SUN3: variants seen among roughly 807,000 people sequenced by gnomAD.
The protein encoded by SUN3 is SUN domain-containing protein 3.
SUN3 carries 36 observed loss-of-function variants against 48.2 expected under a neutral mutation model. The ratio of observed to expected loss-of-function variants is 0.75; its 90% confidence interval spans 0.57 to 0.99. The LOEUF (loss-of-function observed/expected upper bound fraction) is 0.99, where lower values mean the gene tolerates loss of function less well. Ranked by LOEUF, SUN3 falls within the 50% of genes least tolerant of loss-of-function variation. The probability of loss-of-function intolerance (pLI) is 0.00; values close to 1 mark genes in which losing one functional copy is unlikely to be tolerated. For missense variants in SUN3, 419 were observed against 433.1 expected, an observed-to-expected ratio of 0.97 and a Z score of 0.29; for synonymous variants, 148 against 147.9, an observed-to-expected ratio of 1.00 and a Z score of 0.00.
chr7:48,002,148 TCTC>T (rs1300166779), intron 6 of SUN3, among the ~76,000 whole-genome samples: 1 of 76,374 alleles, frequency 1.3e-5, no homozygotes, highest in Non-Finnish European at 2.4e-5. Context: ...GATTTGCATT[TCTC>T]TTTTTTTTTT....
chr7:47,987,838 T>C (rs1177561909), intron 9 of SUN3, among the ~76,000 whole-genome samples: 1 of 152,224 alleles, frequency 6.6e-6, no homozygotes, highest in South Asian at 2.1e-4. Context: ...CTGGCCTATA[T>C]ACTTTTTCTT....
upstream of SUN3, among the ~76,000 whole-genome samples, chr7:48,030,609 C>A (rs1253149419): frequency 6.6e-6 from 1 of 152,186 alleles, no homozygotes; most frequent in Non-Finnish European, 1.5e-5. Flanking sequence ...GATAATCTTC[C>A]TCATTTATTT....
chr7:48,030,244 C>T (rs1206617759), upstream of SUN3, among the ~76,000 whole-genome samples: 1 of 152,102 alleles, frequency 6.6e-6, no homozygotes, highest in Non-Finnish European at 1.5e-5. Context: ...CAATTTACTA[C>T]TTATTTTCTG....
At chr7:48,025,631 A>T (rs900516105) in intron 2 of SUN3, among the ~76,000 whole-genome samples, 4 of 152,220 alleles carry the variant, frequency 2.6e-5, no homozygotes, top group Non-Finnish European at 5.9e-5. Context: ...TGACTAAAAA[A>T]TTTGCAAAAA....
chr7:47,989,268 C>A (rs1313671023), intron 8 of SUN3, among the ~76,000 whole-genome samples: 3 of 152,178 alleles, frequency 2.0e-5, no homozygotes, highest in African/African-American at 7.2e-5. Context: ...AATAAGCATA[C>A]TTTGAATAAA....
At chr7:48,007,381 C>T in intron 4 of SUN3, 54 bp from the exon 5 acceptor site, 7 of 1,562,994 alleles carry the variant, frequency 4.5e-6, no homozygotes, top group Non-Finnish European at 6.1e-6. Flanking sequence ...CTCCTGTTAT[C>T]AGCTGTTGCT....
intron 6 of SUN3, among the ~76,000 whole-genome samples, chr7:48,002,182 C>T (rs1347784527): frequency 2.6e-5 from 2 of 77,482 alleles, no homozygotes; most frequent in Non-Finnish European, 2.0e-5. Context: ...TTTTTTGAGA[C>T]GGAGTCTCGC....
At chr7:47,992,101 A>G (rs1354437898) in intron 8 of SUN3, among the ~76,000 whole-genome samples, 1 of 151,912 alleles carries the variant, frequency 6.6e-6, no homozygotes. Flanking sequence ...CTGATAGCAC[A>G]CTTGTGACTC....
chr7:48,016,217 C>A (rs1789808100), intron 3 of SUN3, among the ~76,000 whole-genome samples: 1 of 152,174 alleles, frequency 6.6e-6, no homozygotes, highest in South Asian at 2.1e-4. Context: ...TCTACGATTC[C>A]ATCTCCAACC....
At chr7:48,020,189 T>C (rs1182336026) in intron 2 of SUN3, among the ~76,000 whole-genome samples, 2 of 151,960 alleles carry the variant, frequency 1.3e-5, no homozygotes, top group South Asian at 2.1e-4. Flanking sequence ...ACCATATCAA[T>C]AGAATGAAAG....
intron 3 of SUN3, among the ~76,000 whole-genome samples, chr7:48,013,869 C>G (rs1029230512): frequency 6.6e-6 from 1 of 152,194 alleles, no homozygotes; most frequent in African/African-American, 2.4e-5. Context: ...GTGCTCTTGT[C>G]TGTGTGAAAA....
rs535096844 is a variant in SUN3 at position 48,027,229 on chromosome 7, G to A, written c.123-1291C>T. The stretch of plus-strand genomic sequence containing the variant: ...TTCATTGTGTGAATATATCATGTGG[G>A]TATCCATCCTAACATTGATGGGTGT... On this transcript the variant is annotated intron_variant, in intron 1 of 9. Coordinates refer to ENST00000297325, the MANE Select transcript of SUN3 (RefSeq NM_001030019.2). Among the ~76,000 whole-genome samples the A allele has an allele frequency of 4.0e-4, 61 of 152,142 alleles. 2 individuals carry two copies. The highest frequency in any genetic ancestry group is 8.8e-5 in the Non-Finnish European group (6 of 68,044).
chr7:47,996,572 T>C (rs953846954), intron 6 of SUN3, among the ~76,000 whole-genome samples: 1 of 152,216 alleles, frequency 6.6e-6, no homozygotes, highest in Non-Finnish European at 1.5e-5. Context: ...GTTACATTTG[T>C]AGCAATTATG....
chr7:48,027,423 T>G, intron 1 of SUN3, among the ~76,000 whole-genome samples: 1 of 152,130 alleles, frequency 6.6e-6, no homozygotes, highest in East Asian at 1.9e-4. Flanking sequence ...TGCAGTAGAT[T>G]TTGCTCAGTG....
At chr7:48,034,813 G>T in the SUN3 span, among the ~76,000 whole-genome samples, 1 of 152,026 alleles carries the variant, frequency 6.6e-6, no homozygotes, top group East Asian at 1.9e-4. Flanking sequence ...AGTTCTAAAC[G>T]CGATTCCATA....
intron 2 of SUN3, 118 bp from the exon 3 acceptor site, chr7:48,017,483 G>T: frequency 1.5e-6 from 1 of 656,732 alleles, no homozygotes; most frequent in South Asian, 1.8e-5. Flanking sequence ...AAGAATATCA[G>T]ATCCTTGGGT....
intron 3 of SUN3, among the ~76,000 whole-genome samples, chr7:48,010,836 A>G (rs890435003): frequency 2.0e-5 from 3 of 152,162 alleles, no homozygotes; most frequent in African/African-American, 7.2e-5. Flanking sequence ...GCTGTTCTGG[A>G]GGTCAAAAGT....
rs140962763 is a variant in SUN3 at position 48,017,977 on chromosome 7, G to A, written c.185-612C>T. 5.5e-3 allele frequency among the ~76,000 whole-genome samples: 845 copies of A among 152,302 alleles called. 5 individuals carry two copies. The highest frequency in any genetic ancestry group is 5.9e-3 in the Non-Finnish European group (403 of 68,028). ...ACAGACCCAACAGCCCATGAATAAAGAGGCAGTCTCTTTCTGGAAAAAGGG... is the reference window on the plus strand; with the variant it reads ...ACAGACCCAACAGCCCATGAATAAAAAGGCAGTCTCTTTCTGGAAAAAGGG... On this transcript the variant is annotated intron_variant, in intron 2 of 9. Coordinates refer to ENST00000297325, the MANE Select transcript of SUN3 (RefSeq NM_001030019.2).
At chr7:48,022,805 T>C (rs1790035980) in intron 2 of SUN3, among the ~76,000 whole-genome samples, 1 of 152,110 alleles carries the variant, frequency 6.6e-6, no homozygotes, top group Non-Finnish European at 1.5e-5. Context: ...AGAAAGTCTT[T>C]GTTGGATTAT....
Sources: allele counts gnomAD v4.1 joint callset (sites outside exome capture counted in the v4.1 genomes callset), GRCh38; gene constraint gnomAD v4.1.1; transcripts MANE v1.5; gene names NCBI Gene and HGNC (gene_info 2026-07-23, HGNC 2026-07-21).